The following USP7 variants were observed in gnomAD, a reference collection of about 807,000 sequenced individuals.
The protein encoded by USP7 is ubiquitin C-terminal hydrolase 7.
In USP7, 9 loss-of-function variants were observed where a neutral mutation model predicts 162.9. That is an observed-to-expected ratio of 0.06 (90% confidence interval 0.03 to 0.10). The LOEUF (loss-of-function observed/expected upper bound fraction) is 0.10. USP7 is among the 10% of genes least tolerant of loss of function. USP7 has a pLI of 1.00. For synonymous variants in USP7, 562 were observed against 475.9 expected, an observed-to-expected ratio of 1.18 and a Z score of -2.35; for missense variants, 715 against 1,373.7, an observed-to-expected ratio of 0.52 and a Z score of 7.58.
intron 1 of USP7, among the ~76,000 whole-genome samples, chr16:8,957,249 A>T (rs1020504935): frequency 6.6e-6 from 1 of 152,224 alleles, no homozygotes; most frequent in African/African-American, 2.4e-5. Context: ...TACGCATGAC[A>T]CTTAAAACCC....
In USP7 at chr16:8,919,114, A is replaced by G; in HGVS notation, c.637T>C (p.Tyr213His). Residue 213 changes from tyrosine (Y) to histidine (H), a missense_variant, in exon 6 of 31, where the codon TAC (tyrosine) becomes CAC (histidine). Around this residue, in one of 11 missense-constraint regions of USP7, gnomAD observed 24 missense variants for 153.3 expected, o/e 0.16. Coordinates refer to ENST00000344836, the MANE Select transcript of USP7 (RefSeq NM_003470.3). Reference sequence around the variant, plus strand: ...GCTCCCTGATTCTTTAAGCCGACGTAGCCTGTGTGCTTCTTTGAATCCCAC... The same window carrying G: ...GCTCCCTGATTCTTTAAGCCGACGTGGCCTGTGTGCTTCTTTGAATCCCAC... Reference protein sequence around the residue: ...VAWDSKKHTGYVGLKNQGATC... With the variant: ...VAWDSKKHTGHVGLKNQGATC... The G allele has an allele frequency of 6.2e-7, 1 of 1,614,148 alleles. No homozygotes were observed. Among genetic ancestry groups the G allele is most frequent in the Non-Finnish European group, 8.5e-7 (1 of 1,180,020 alleles).
chr16:8,958,804 T>C (rs1292621930), intron 1 of USP7, among the ~76,000 whole-genome samples: 1 of 152,212 alleles, frequency 6.6e-6, no homozygotes, highest in Non-Finnish European at 1.5e-5. Context: ...ACTTTTATCA[T>C]ACAGTGAATC....
chr16:8,905,398 A>G (rs1298644497), intron 13 of USP7, 67 bp from the exon 14 acceptor site: 1 of 1,584,028 alleles, frequency 6.3e-7, no homozygotes. Context: ...ACTAGAAGGC[A>G]GCGTTGTTCT....
chr16:8,913,213 G>A (rs1475080643), intron 10 of USP7, among the ~76,000 whole-genome samples: 1 of 152,152 alleles, frequency 6.6e-6, no homozygotes, highest in African/African-American at 2.4e-5. Context: ...AAAATTAGCT[G>A]GGCATGGTGG....
At chr16:8,929,680 A>C (rs1898205840) in intron 2 of USP7, 1 of 414,828 alleles carries the variant, frequency 2.4e-6, no homozygotes, top group Non-Finnish European at 4.8e-6. Flanking sequence ...GACTGTGCAA[A>C]TATTGAGGTC....
intron 1 of USP7, among the ~76,000 whole-genome samples, chr16:8,960,683 T>C (rs1468775819): frequency 6.6e-6 from 1 of 152,166 alleles, no homozygotes; most frequent in East Asian, 1.9e-4. Flanking sequence ...AGGACCCCAC[T>C]CACAGCCTGG....
chr16:8,934,307 T>A (rs1035345915), intron 1 of USP7, among the ~76,000 whole-genome samples: 4 of 152,216 alleles, frequency 2.6e-5, no homozygotes, highest in Admixed American at 2.6e-4. Context: ...TATGGTTTCA[T>A]GAGATGCAGT....
rs1247152649 is a variant in USP7, at chr16:8,893,651, A to G, written c.*347T>C. 8.3e-6 allele frequency: 2 copies of G among 241,486 alleles called. No homozygotes were observed. Among genetic ancestry groups the G allele is most frequent in the Non-Finnish European group, 1.7e-5 (2 of 119,792 alleles). 15.0% of individuals were successfully genotyped at this position (241,486 alleles called of 1,614,324 possible). ...CTGGTGCACGGGACCCCAGGAAGGCAGCCGAGCCACTCGTGCCCACTAGGG... is the reference window on the plus strand; with the variant it reads ...CTGGTGCACGGGACCCCAGGAAGGCGGCCGAGCCACTCGTGCCCACTAGGG... On this transcript the variant is annotated 3_prime_UTR_variant, in exon 31 of 31. Transcript: ENST00000344836.
At chr16:8,906,987 CA>C (rs1056882447) in intron 12 of USP7, among the ~76,000 whole-genome samples, 4 of 152,224 alleles carry the variant, frequency 2.6e-5, no homozygotes, top group African/African-American at 9.6e-5. Flanking sequence ...ACTGGCTCTA[CA>C]AATTTTGATT....
chr16:8,952,893 C>G (rs192810096), intron 1 of USP7, among the ~76,000 whole-genome samples: 1 of 151,736 alleles, frequency 6.6e-6, no homozygotes, highest in Non-Finnish European at 1.5e-5. Flanking sequence ...CTAGAGTGCA[C>G]TGGCGCAATC....
At chr16:8,928,480 T>C (rs908713592) in intron 2 of USP7, among the ~76,000 whole-genome samples, 1 of 152,192 alleles carries the variant, frequency 6.6e-6, no homozygotes, top group African/African-American at 2.4e-5. Flanking sequence ...CCAGCACATA[T>C]CCAACTTCCT....
At chr16:8,909,143 C>T (rs774954910) in intron 11 of USP7, among the ~76,000 whole-genome samples, 3 of 152,234 alleles carry the variant, frequency 2.0e-5, no homozygotes, top group Admixed American at 6.5e-5. Flanking sequence ...TAAGCTCTTG[C>T]CCTGCTCTAT....
chr16:8,963,147 TCCCCCGGCCACAATGAAAGGCGC>T (rs1442699065), intron 1 of USP7, 37 bp downstream of exon 1: 5 of 1,323,266 alleles, frequency 3.8e-6, no homozygotes, highest in South Asian at 1.5e-5. Flanking sequence ...CTCCCGCGGC[TCCCCCGGCCACAATGAAAGGCGC>T]CCCCCGGCCC....
At chr16:8,937,459 T>C (rs1356723304) in intron 1 of USP7, among the ~76,000 whole-genome samples, 1 of 152,174 alleles carries the variant, frequency 6.6e-6, no homozygotes, top group African/African-American at 2.4e-5. Context: ...GGAGAATCAC[T>C]TGAACCCAGG....
At chr16:8,934,129 C>T (rs540920808) in intron 1 of USP7, among the ~76,000 whole-genome samples, 1 of 152,244 alleles carries the variant, frequency 6.6e-6, no homozygotes, top group South Asian at 2.1e-4. Flanking sequence ...ACTTACCCTA[C>T]GACAATAGCT....
chr16:8,898,474 A>G, intron 24 of USP7, 37 bp from the exon 25 acceptor site: 1 of 1,606,686 alleles, frequency 6.2e-7, no homozygotes, highest in Non-Finnish European at 8.5e-7. Context: ...AGATACCGTC[A>G]CCAAAACCCC....
At chr16:8,912,190 G>A (rs535840230) in intron 10 of USP7, among the ~76,000 whole-genome samples, 50 of 152,262 alleles carry the variant, frequency 3.3e-4, no homozygotes, top group Admixed American at 8.5e-4. Context: ...AGTGGCTCAC[G>A]CCTGTAATCC....
intron 1 of USP7, among the ~76,000 whole-genome samples, chr16:8,939,525 T>G (rs1031298066): frequency 2.0e-5 from 3 of 152,192 alleles, no homozygotes; most frequent in Non-Finnish European, 4.4e-5. Flanking sequence ...TATTTCTACT[T>G]TTGAGTTCTG....
At chr16:8,948,332 G>A (rs1333958702) in intron 1 of USP7, among the ~76,000 whole-genome samples, 3 of 152,076 alleles carry the variant, frequency 2.0e-5, no homozygotes, top group Non-Finnish European at 2.9e-5. Flanking sequence ...ACAAGCACAC[G>A]CCATCATGGC....
Sources: allele counts gnomAD v4.1 joint callset (sites outside exome capture counted in the v4.1 genomes callset), GRCh38; gene constraint gnomAD v4.1.1; regional missense constraint gnomAD v4.1.1; transcripts MANE v1.5; gene names NCBI Gene and HGNC (gene_info 2026-07-23, HGNC 2026-07-21).